CTPS2: variants seen among roughly 807,000 people sequenced by gnomAD.
CTPS2 encodes CTP synthase II.
CTPS2 carries 19 observed loss-of-function variants against 46.8 expected under a neutral mutation model. That is an observed-to-expected ratio of 0.41 (90% confidence interval 0.28 to 0.60). The LOEUF (loss-of-function observed/expected upper bound fraction) is 0.60. Among genes scored for constraint, CTPS2 ranks in the 20% least tolerant of loss-of-function variants. CTPS2 has a pLI of 0.35. For synonymous variants in CTPS2, 151 were observed against 165.2 expected (o/e 0.91, Z 0.66); for missense variants, 286 against 447.6 (o/e 0.64, Z 3.26).
At chrX:16,668,160 G>A (rs750209644) in intron 11 of CTPS2, among the ~76,000 whole-genome samples, 1 of 109,487 alleles carries the variant, frequency 9.1e-6, no homozygotes, top group Admixed American at 9.9e-5. Context: ...TACTTGGGAG[G>A]CTGAGGCAGG....
At chrX:16,616,321 G>A (rs966349874) in intron 16 of CTPS2, among the ~76,000 whole-genome samples, 29 of 112,334 alleles carry the variant, frequency 2.6e-4, no homozygotes, top group South Asian at 3.7e-4. Flanking sequence ...TGTTCTGTTT[G>A]CTCTTAAAAA....
chrX:16,613,996 C>G, intron 16 of CTPS2, among the ~76,000 whole-genome samples: 1 of 111,372 alleles, frequency 9.0e-6, no homozygotes, highest in Middle Eastern at 4.6e-3. Flanking sequence ...GCCAAACACT[C>G]TACAACAGGG....
intron 13 of CTPS2, among the ~76,000 whole-genome samples, chrX:16,655,862 C>T (rs946352592): frequency 3.6e-5 from 4 of 109,796 alleles, no homozygotes; most frequent in Non-Finnish European, 7.6e-5. Context: ...GTGGCACGAT[C>T]TTGGCTCACT....
chrX:16,663,983 G>A (rs189934439), intron 13 of CTPS2, among the ~76,000 whole-genome samples: 48 of 110,498 alleles, frequency 4.3e-4, no homozygotes, highest in African/African-American at 1.1e-3. Flanking sequence ...CTACAGGCGC[G>A]TGCCACCACG....
At chrX:16,658,131 G>A (rs767927469) in intron 13 of CTPS2, among the ~76,000 whole-genome samples, 40 of 109,478 alleles carry the variant, frequency 3.7e-4, no homozygotes, top group South Asian at 1.7e-3. Flanking sequence ...ATCTGAGCCC[G>A]GGAGGCGGAG....
intron 6 of CTPS2, among the ~76,000 whole-genome samples, chrX:16,692,282 ACACACAC>A (rs1569233560): frequency 4.9e-5 from 5 of 101,590 alleles, no homozygotes; most frequent in Non-Finnish European, 7.8e-5. Context: ...GTCTCTACAA[ACACACAC>A]ACACACACAC....
At chrX:16,625,392 G>C (rs1569200304) in intron 14 of CTPS2, among the ~76,000 whole-genome samples, 1 of 112,183 alleles carries the variant, frequency 8.9e-6, no homozygotes, top group East Asian at 2.8e-4. Context: ...TGGCTCATCT[G>C]TTCAGCCACT....
At chrX:16,710,844 C>A (rs1925413583) in intron 1 of CTPS2, among the ~76,000 whole-genome samples, 1 of 112,252 alleles carries the variant, frequency 8.9e-6, no homozygotes, top group Non-Finnish European at 1.9e-5. Context: ...GTCTTGATCT[C>A]TTGACCTCGT....
intron 13 of CTPS2, among the ~76,000 whole-genome samples, chrX:16,654,976 T>C (rs185691116): frequency 2.2e-3 from 251 of 111,679 alleles, no homozygotes; most frequent in Non-Finnish European, 3.8e-3. Flanking sequence ...AAAGATGGTG[T>C]GGGAGACCTG....
intron 14 of CTPS2, among the ~76,000 whole-genome samples, chrX:16,622,397 G>A (rs1291134465): frequency 3.8e-5 from 4 of 105,647 alleles, no homozygotes; most frequent in East Asian, 2.9e-4. Flanking sequence ...GTGACAGAGC[G>A]AGATGCTGTC....
chrX:16,694,608 G>A (rs111815369), intron 4 of CTPS2, among the ~76,000 whole-genome samples: 1 of 112,555 alleles, frequency 8.9e-6, no homozygotes, highest in African/African-American at 3.2e-5. Flanking sequence ...CAGCACTGGA[G>A]GTTTAGTTTA....
intron 1 of CTPS2, 48 bp from the exon 2 acceptor site, chrX:16,702,989 T>G: frequency 1.2e-6 from 1 of 815,527 alleles, no homozygotes; most frequent in Non-Finnish European, 1.7e-6. Flanking sequence ...TATTTAAAAC[T>G]AGTAAAGCAG....
intron 17 of CTPS2, among the ~76,000 whole-genome samples, chrX:16,603,416 AAAATAAATAAATAAAT>A (rs3053010): frequency 0.014 from 1,265 of 88,500 alleles, 34 homozygotes; most frequent in African/African-American, 0.052. Context: ...ACTTGTCTCA[AAAATAAATAAATAAAT>A]AAATAAATAA....
chrX:16,704,863 G>T (rs1210559443), intron 1 of CTPS2, among the ~76,000 whole-genome samples: 1 of 108,058 alleles, frequency 9.3e-6, no homozygotes, highest in Non-Finnish European at 1.9e-5. Context: ...AGAGAGAATC[G>T]CTTGAACCTG....
intron 17 of CTPS2, among the ~76,000 whole-genome samples, chrX:16,602,420 A>G (rs771842794): frequency 1.3e-4 from 14 of 111,068 alleles, no homozygotes; most frequent in African/African-American, 4.6e-4. Context: ...TTTGATCACA[A>G]TCTTGGAAGT....
chrX:16,599,265 T>C (rs769213809), intron 17 of CTPS2, among the ~76,000 whole-genome samples: 1 of 111,445 alleles, frequency 9.0e-6, no homozygotes, highest in Admixed American at 9.5e-5. Context: ...AAGGTCTATC[T>C]ACCATTAATG....
chrX:16,660,283 A>T (rs1932915166), intron 13 of CTPS2, among the ~76,000 whole-genome samples: 1 of 109,722 alleles, frequency 9.1e-6, no homozygotes, highest in Non-Finnish European at 1.9e-5. Flanking sequence ...TGGCATGATC[A>T]TGGCTCACTG....
chrX:16,620,558 A>C (rs911232448), intron 14 of CTPS2, among the ~76,000 whole-genome samples: 2 of 112,536 alleles, frequency 1.8e-5, no homozygotes, highest in African/African-American at 6.5e-5. Context: ...TCACCATTGC[A>C]TAAAAGGAAG....
intron 13 of CTPS2, among the ~76,000 whole-genome samples, chrX:16,665,791 C>T (rs1329865772): frequency 8.9e-6 from 1 of 112,196 alleles, no homozygotes; most frequent in Non-Finnish European, 1.9e-5. Flanking sequence ...CACTCTGTTG[C>T]CCAGGCTGGA....
Sources: allele counts gnomAD v4.1 joint callset (sites outside exome capture counted in the v4.1 genomes callset), GRCh38; gene constraint gnomAD v4.1.1; transcripts MANE v1.5; gene names NCBI Gene and HGNC (gene_info 2026-07-23, HGNC 2026-07-21).